RBM4: variants seen among roughly 807,000 people sequenced by gnomAD.
RBM4 encodes the protein RNA-binding protein 4.
A neutral mutation model predicts 29.5 loss-of-function variants in RBM4; 7 were observed. The ratio of observed to expected loss-of-function variants is 0.24; its 90% confidence interval spans 0.14 to 0.45. The LOEUF (loss-of-function observed/expected upper bound fraction) is 0.45. RBM4 is among the 20% of genes least tolerant of loss of function. RBM4 has a pLI of 1.00. For missense variants in RBM4, 387 were observed against 502.3 expected, an observed-to-expected ratio of 0.77 and a Z score of 2.19; for synonymous variants, 220 against 205.4, an observed-to-expected ratio of 1.07 and a Z score of -0.61.
intron 2 of RBM4, among the ~76,000 whole-genome samples, chr11:66,641,722 A>G (rs538236174): frequency 1.3e-5 from 2 of 152,190 alleles, no homozygotes; most frequent in East Asian, 3.9e-4. Flanking sequence ...ACCTTATTTT[A>G]TGTAATATTG....
In RBM4 at chr11:66,639,506, T is replaced by C. The variant is rs1054836745; in HGVS notation, c.-12-194T>C. ...CCTCCCTATTGCAGACGTCTTCTTA[T>C]TCTTACAGGTTCATGGCGGCTACTA... is the stretch of plus-strand genomic sequence containing the variant. On this transcript the variant is annotated intron_variant, in intron 1 of 3. Coordinates refer to ENST00000310092, the MANE Select transcript of RBM4 (RefSeq NM_002896.4). 12 of 698,906 alleles carry C rather than the reference T, an allele frequency of 1.7e-5. No homozygotes were observed. In the African/African-American group the frequency reaches 2.0e-4, roughly 12 times the overall value. The allele number at this position is 698,906 out of a possible 1,614,324, so 43.3% of individuals were successfully genotyped here. A position where few individuals can be genotyped will look rare whatever the true frequency, so the allele number is the denominator to read the frequency against.
At chr11:66,654,688 T>TG (rs917543444) in intron 2 of RBM4, among the ~76,000 whole-genome samples, 6 of 145,698 alleles carry the variant, frequency 4.1e-5, no homozygotes, top group South Asian at 2.2e-4. Flanking sequence ...AATTTTGTTT[T>TG]TTTTTTTTTT....
At chr11:66,650,947 CA>C (rs1938814494), downstream of RBM4, among the ~76,000 whole-genome samples, 2 of 152,074 alleles carry the variant, frequency 1.3e-5, no homozygotes, top group Admixed American at 6.5e-5. Context: ...TGCTTGATGC[CA>C]GGGGCGGATG....
At chr11:66,655,672 G>C (rs1938936311) in intron 2 of RBM4, among the ~76,000 whole-genome samples, 1 of 152,196 alleles carries the variant, frequency 6.6e-6, no homozygotes, top group South Asian at 2.1e-4. Context: ...GCCAGGTAGA[G>C]AGAATATCTT....
chr11:66,641,197 G>A (rs538108263), intron 2 of RBM4: 16 of 152,338 alleles, frequency 1.1e-4, no homozygotes, highest in Admixed American at 4.6e-4. Context: ...AAATTATGGA[G>A]TATTTCCGTG....
At chr11:66,652,235 G>A (rs1279755112) in intron 2 of RBM4, 1 of 152,064 alleles carries the variant, frequency 6.6e-6, no homozygotes, top group Non-Finnish European at 1.5e-5. Flanking sequence ...TGGGACTACA[G>A]GCACCCTCCA....
intron 2 of RBM4, among the ~76,000 whole-genome samples, chr11:66,662,336 T>C (rs532667096): frequency 5.3e-5 from 8 of 152,296 alleles, no homozygotes; most frequent in Non-Finnish European, 7.4e-5. Context: ...GCAGTGATGA[T>C]ATAGAACTCT....
At chr11:66,652,177 C>T (rs1938846436) in intron 2 of RBM4, 1 of 152,068 alleles carries the variant, frequency 6.6e-6, no homozygotes, top group African/African-American at 2.4e-5. Context: ...ACTGCAACCT[C>T]TGCCTCCCGG....
chr11:66,643,159 G>A lies in RBM4; in HGVS notation c.413-291G>A, dbSNP rs1938539996. On this transcript the variant is annotated intron_variant, in intron 2 of 3. Coordinates refer to ENST00000310092, the MANE Select transcript of RBM4 (RefSeq NM_002896.4). This position sits in a 1 kb window ranked among gnomAD's most constrained non-coding sequence, Gnocchi z 6.1. ...TGACTTTGAGCCGCTGTTTGGAGAT[G>A]ATTTTTACCTGTTTGGAGATGATTG... Among the ~76,000 whole-genome samples the A allele has an allele frequency of 3.3e-5, 5 of 152,156 alleles. No individual in the cohort carries two copies. In the South Asian group the frequency reaches 1.0e-3, roughly 32 times the overall value.
At chr11:66,644,893 G>C (rs188406757) in intron 3 of RBM4, 1 of 170,038 alleles carries the variant, frequency 5.9e-6, no homozygotes, top group Admixed American at 6.6e-5. Flanking sequence ...CTTTCAGTCT[G>C]TCCTATAACA....
chr11:66,658,920 G>C (rs961453250), intron 2 of RBM4, among the ~76,000 whole-genome samples: 1 of 131,976 alleles, frequency 7.6e-6, no homozygotes, highest in Non-Finnish European at 1.6e-5. Flanking sequence ...CTGGGCAACA[G>C]AGCAAGAGTG....
chr11:66,644,775 A>G, intron 3 of RBM4: 2 of 859,152 alleles, frequency 2.3e-6, no homozygotes, highest in South Asian at 5.3e-5. Flanking sequence ...TACAAAACTT[A>G]TCTTTTATAA....
At chr11:66,666,081 C>T in exon 3 of RBM4, 1 of 960,700 alleles carries the variant, frequency 1.0e-6, no homozygotes, top group Non-Finnish European at 1.5e-6. Flanking sequence ...AGCAGCCAGT[C>T]ATTCACCCAA....
At position 66,643,580 on chromosome 11, in the gene RBM4, C is replaced by T; in HGVS notation, c.543C>T (p.Gly181=). 1.2e-6 allele frequency: 2 copies of T among 1,614,120 alleles called. No individual in the cohort carries two copies. The highest frequency in any genetic ancestry group is 1.7e-6 in the Non-Finnish European group (2 of 1,180,016). ...AAGAGTGTCCGATAGATCGTTCAGG[C>T]CGCGTGGCAGACTTGACCGAGCAAT... is the stretch of plus-strand genomic sequence containing the variant. ...WSKECPIDRS[G]RVADLTEQYN... is the part of the protein sequence containing the mutation. The change falls in exon 3 of 4, where the codon GGC becomes GGT. Residue 181 remains glycine (G), a synonymous_variant. Transcript: ENST00000310092. The surrounding 1 kb of genome is among the most constrained non-coding windows in gnomAD (Gnocchi z 6.1).
Position 66,665,240 on chromosome 11 carries a change from A to G in RBM4, c.413-616A>G. ...CACTACATGGTCATTTTAAAGGGAA[A>G]GGAGATGCTGCAGGTAGGCAGGGAG... On this transcript the variant is annotated intron_variant, in intron 2 of 2. Transcript: ENST00000396053. The G allele has an allele frequency of 1.3e-5, 4 of 318,444 alleles. No homozygotes were observed. In the South Asian group the frequency reaches 1.6e-4, roughly 12 times the overall value. The allele number at this position is 318,444 out of a possible 1,614,324, so 19.7% of individuals were successfully genotyped here.
chr11:66,643,995 A>C lies in RBM4; in HGVS notation c.958A>C (p.Thr320Pro), dbSNP rs751297542. 45 of 1,613,108 alleles carry C rather than the reference A, an allele frequency of 2.8e-5. No individual in the cohort carries two copies. Among genetic ancestry groups the C allele is most frequent in the African/African-American group, 4.0e-5 (3 of 74,826 alleles). ...PLRRATAPVP[T>P]VGEGYGYGHE... ...GCGTCGCGCTACAGCCCCAGTCCCC[A>C]CTGTTGGAGAGGGCTACGGTTACGG... is the stretch of plus-strand genomic sequence containing the variant. Residue 320 changes from threonine to proline, a missense_variant, in exon 3 of 4, where the codon ACT (threonine) becomes CCT (proline). Coordinates refer to ENST00000310092, the MANE Select transcript of RBM4 (RefSeq NM_002896.4). The surrounding 1 kb of genome is among the most constrained non-coding windows in gnomAD (Gnocchi z 6.1).
intron 3 of RBM4, 36 bp from the exon 4 acceptor site, chr11:66,645,991 T>C (rs1183105193): frequency 1.3e-6 from 2 of 1,536,090 alleles, no homozygotes; most frequent in Non-Finnish European, 1.7e-6. Context: ...CCTTTTGAGC[T>C]TTGCTGTAAA....
chr11:66,643,544 G>A lies in RBM4; in HGVS notation c.507G>A (p.Gly169=), dbSNP rs1938559800. Residue 169 remains glycine, a synonymous_variant, in exon 3 of 4, where the codon GGG becomes GGA. Transcript: ENST00000310092. The surrounding 1 kb of genome is among the most constrained non-coding windows in gnomAD (Gnocchi z 6.1). ...GCTGCTATCGGTGCGGGAAAGAGGGGCACTGGTCCAAAGAGTGTCCGATAG... is the reference window on the plus strand; with the variant it reads ...GCTGCTATCGGTGCGGGAAAGAGGGACACTGGTCCAAAGAGTGTCCGATAG... ...QSGCYRCGKE[G]HWSKECPIDR... 1.9e-6 allele frequency: 3 copies of A among 1,613,988 alleles called. No homozygotes were observed. The highest frequency in any genetic ancestry group is 2.5e-6 in the Non-Finnish European group (3 of 1,180,024).
intron 2 of RBM4, among the ~76,000 whole-genome samples, chr11:66,662,659 T>C (rs913705974): frequency 6.6e-6 from 1 of 152,180 alleles, no homozygotes; most frequent in Non-Finnish European, 1.5e-5. Context: ...TGCCTCAGCC[T>C]CCCAAAATGC....
Sources: gnomAD v4.1 joint callset for allele counts (sites outside exome capture counted in the v4.1 genomes callset) on GRCh38, gnomAD v4.1.1 for gene constraint, Gnocchi (gnomAD v3.1) non-coding constraint, MANE v1.5 for transcripts, NCBI Gene and HGNC (gene_info 2026-07-23, HGNC 2026-07-21) for gene names.